Variants in FAM114A2 observed in about 807,000 individuals in gnomAD.
The protein encoded by FAM114A2 is family with sequence similarity 114 member A2, also known as protein FAM114A2.
In FAM114A2, 53 loss-of-function variants were observed where a neutral mutation model predicts 58.4. The ratio of observed to expected loss-of-function variants is 0.91; its 90% CI spans 0.73 to 1.14. FAM114A2 has a LOEUF of 1.14. FAM114A2 is among the 50% of genes most tolerant of loss of function. The pLI is 0.00. For missense variants in FAM114A2, 601 were observed against 581.1 expected (o/e 1.03, Z -0.35); for synonymous variants, 228 against 211.4 (o/e 1.08, Z -0.68).
At position 154,011,252 on chromosome 5, in the gene FAM114A2, T is replaced by C. The variant is rs1009796180; in HGVS notation, c.982A>G (p.Lys328Glu). 1 of 1,609,534 alleles carries C rather than the reference T, an allele frequency of 6.2e-7. No individual in the cohort carries two copies. The highest frequency in any genetic ancestry group is 1.7e-5 in the Admixed American group (1 of 59,686). ...SQLHVSSKPEKLARARNTAHE... is the reference protein window; with the variant it reads ...SQLHVSSKPEELARARNTAHE... Reference sequence around the variant, plus strand: ...AAGCAATAACTTACCCTGGCAAGTTTCTCTGGTTTGGAGGAAACGTGCAGC... The same window carrying C: ...AAGCAATAACTTACCCTGGCAAGTTCCTCTGGTTTGGAGGAAACGTGCAGC... The change falls in exon 9 of 14, where the codon AAA becomes GAA. Residue 328 changes from lysine (K) to glutamate (E), a missense_variant. Coordinates refer to ENST00000351797, the MANE Select transcript of FAM114A2 (RefSeq NM_018691.4).
chr5:154,019,136 T>C (rs1199989787), intron 8 of FAM114A2, among the ~76,000 whole-genome samples: 1 of 152,094 alleles, frequency 6.6e-6, no homozygotes, highest in Admixed American at 6.6e-5. Context: ...TTGCTGATGA[T>C]TGTTTACCTA....
chr5:154,023,134 C>T (rs185587059), intron 8 of FAM114A2, among the ~76,000 whole-genome samples: 6 of 151,442 alleles, frequency 4.0e-5, no homozygotes, highest in Non-Finnish European at 8.8e-5. Flanking sequence ...CTGGGCCTGT[C>T]GTGGGGTCAG....
intron 8 of FAM114A2, among the ~76,000 whole-genome samples, chr5:154,012,833 T>C (rs796399198): frequency 1.4e-4 from 22 of 152,210 alleles, no homozygotes; most frequent in African/African-American, 5.1e-4. Flanking sequence ...TCTGAACCCA[T>C]AGTGGGATGC....
At chr5:154,022,984 T>C (rs568889194) in intron 8 of FAM114A2, among the ~76,000 whole-genome samples, 2 of 152,300 alleles carry the variant, frequency 1.3e-5, no homozygotes, top group South Asian at 2.1e-4. Context: ...ATGTCCTTTG[T>C]AGCGACATGG....
At chr5:154,036,977 G>C (rs1162485363) in intron 1 of FAM114A2, 2 of 152,182 alleles carry the variant, frequency 1.3e-5, no homozygotes, top group African/African-American at 4.8e-5. Flanking sequence ...CTTTTAGCTA[G>C]GGCAGTTGCT....
At position 154,026,478 on chromosome 5, in the gene FAM114A2, A is replaced by T; in HGVS notation, c.834T>A (p.Thr278=). The T allele has an allele frequency of 6.4e-7, 1 of 1,574,340 alleles. No individual in the cohort carries two copies. The highest frequency in any genetic ancestry group is 8.6e-7 in the Non-Finnish European group (1 of 1,158,984). Residue 278 remains threonine, a synonymous_variant, in exon 8 of 14, where the codon ACT becomes ACA. Transcript: ENST00000351797. ...TGAGTTGCTCTAATTCAACTTTTAG[A>T]GTCTCTAATTCTTCTCCACTCAGAG... The part of the protein sequence containing the change: ...LNSLSGEELE[T]LKVELEQLKE...
At chr5:154,020,192 A>T (rs2113390768) in intron 8 of FAM114A2, among the ~76,000 whole-genome samples, 1 of 152,344 alleles carries the variant, frequency 6.6e-6, no homozygotes, top group East Asian at 1.9e-4. Flanking sequence ...CACAAGAGAA[A>T]GCAGGAAAGA....
At chr5:154,020,204 C>T (rs1043704548) in intron 8 of FAM114A2, among the ~76,000 whole-genome samples, 1 of 152,054 alleles carries the variant, frequency 6.6e-6, no homozygotes, top group East Asian at 1.9e-4. Context: ...CAGGAAAGAT[C>T]TAAAATCGAC....
intron 11 of FAM114A2, among the ~76,000 whole-genome samples, chr5:154,001,763 G>T (rs924322987): frequency 9.9e-5 from 15 of 152,122 alleles, no homozygotes; most frequent in African/African-American, 3.4e-4. Flanking sequence ...AGTCAGACCT[G>T]GGGCTAAATC....
intron 11 of FAM114A2, among the ~76,000 whole-genome samples, chr5:153,998,580 C>T (rs1223405936): frequency 6.6e-6 from 1 of 152,160 alleles, no homozygotes; most frequent in African/African-American, 2.4e-5. Context: ...GCTTCTTTAC[C>T]ATGTTGTGGA....
At position 154,028,138 on chromosome 5, in the gene FAM114A2, A is replaced by T. The variant is rs1214052141; in HGVS notation, c.630+11T>A. 1.9e-6 allele frequency: 3 copies of T among 1,603,212 alleles called. No individual in the cohort carries two copies. In the African/African-American group the frequency reaches 4.0e-5, roughly 22 times the overall value. ...AGAAACAGGAAGTAAACAGGTAAGGATAATCAGTACCTGAGATAGTGTAGC... is the reference window on the plus strand; with the variant it reads ...AGAAACAGGAAGTAAACAGGTAAGGTTAATCAGTACCTGAGATAGTGTAGC... On this transcript the variant is annotated intron_variant, in intron 6 of 13. Transcript: ENST00000351797.
chr5:154,012,074 G>A (rs74969604), intron 8 of FAM114A2, among the ~76,000 whole-genome samples: 13 of 152,220 alleles, frequency 8.5e-5, no homozygotes, highest in African/African-American at 3.1e-4. Context: ...TGGATTAGAA[G>A]GCGGAAAAGA....
chr5:154,033,589 T>C (rs899064119), intron 4 of FAM114A2, among the ~76,000 whole-genome samples: 7 of 152,214 alleles, frequency 4.6e-5, no homozygotes, highest in African/African-American at 1.7e-4. Context: ...CTATTTCAGA[T>C]GTGGAAAGTG....
chr5:154,022,338 G>A (rs937749367), intron 8 of FAM114A2, among the ~76,000 whole-genome samples: 7 of 152,170 alleles, frequency 4.6e-5, no homozygotes, highest in Admixed American at 1.3e-4. Context: ...TACCATCAGC[G>A]TGAACAGGCA....
At chr5:154,038,672 GACA>G (rs1772776343) in intron 1 of FAM114A2, 182 bp downstream of exon 1, 3 of 152,386 alleles carry the variant, frequency 2.0e-5, no homozygotes, top group Admixed American at 6.5e-5. Context: ...CTCAGGCGCT[GACA>G]ACGACAAGAA....
At chr5:154,002,220 C>T in intron 11 of FAM114A2, 31 bp downstream of exon 11, 1 of 1,596,956 alleles carries the variant, frequency 6.3e-7, no homozygotes, top group Non-Finnish European at 8.6e-7. Flanking sequence ...CTGCAATTTG[C>T]ATCATTTAGA....
intron 1 of FAM114A2, 120 bp downstream of exon 1, chr5:154,038,737 G>C (rs956935474): frequency 6.6e-6 from 1 of 152,356 alleles, no homozygotes; most frequent in Non-Finnish European, 1.5e-5. Context: ...CACAGCCCTC[G>C]ACCCTGCCGC....
chr5:154,035,087 G>T, intron 1 of FAM114A2, 120 bp from the exon 2 acceptor site: 2 of 625,410 alleles, frequency 3.2e-6, no homozygotes, highest in South Asian at 2.1e-5. Flanking sequence ...ATAATACAGA[G>T]ATCCCATATA....
intron 12 of FAM114A2, among the ~76,000 whole-genome samples, chr5:153,996,724 C>T (rs566802061): frequency 2.0e-5 from 3 of 148,868 alleles, no homozygotes; most frequent in African/African-American, 4.9e-5. Flanking sequence ...GCGCTGGGCA[C>T]GGTGGCTCAT....
Sources: allele counts gnomAD v4.1 joint callset (sites outside exome capture counted in the v4.1 genomes callset), GRCh38; gene constraint gnomAD v4.1.1; transcripts MANE v1.5; gene names NCBI Gene and HGNC (gene_info 2026-07-23, HGNC 2026-07-21).